The following SOX6 variants were observed in gnomAD, a reference collection of about 807,000 sequenced individuals.
SOX6 encodes the protein SRY-box transcription factor 6.
A neutral mutation model predicts 97.8 loss-of-function variants in SOX6; 11 were observed. That is an observed-to-expected ratio of 0.11 (90% CI 0.07 to 0.19). The LOEUF (loss-of-function observed/expected upper bound fraction) is 0.19, where lower values mean the gene tolerates loss of function less well. SOX6 is among the 10% of genes least tolerant of loss of function. The pLI, the probability that SOX6 is intolerant of heterozygous loss-of-function variation, is 1.00. For synonymous variants in SOX6, 360 were observed against 371.4 expected, an observed-to-expected ratio of 0.97 and a Z score of 0.35; for missense variants, 810 against 1,039.5, an observed-to-expected ratio of 0.78 and a Z score of 3.04.
chr11:16,608,306 G>A (rs980948994), intron 4 of SOX6, among the ~76,000 whole-genome samples: 1 of 152,162 alleles, frequency 6.6e-6, no homozygotes, highest in Non-Finnish European at 1.5e-5. Context: ...AAAGTTAGGT[G>A]ACAGAAGGAG....
intron 4 of SOX6, among the ~76,000 whole-genome samples, chr11:16,486,550 T>C (rs1272120006): frequency 6.6e-6 from 1 of 152,112 alleles, no homozygotes; most frequent in Non-Finnish European, 1.5e-5. Flanking sequence ...TAGAAATGCC[T>C]AGAGTGCTTA....
intron 3 of SOX6, among the ~76,000 whole-genome samples, chr11:16,235,564 A>G (rs1253260622): frequency 1.3e-5 from 2 of 152,122 alleles, no homozygotes; most frequent in African/African-American, 4.8e-5. Flanking sequence ...AGATTTAAAT[A>G]CTAAATCCTT....
At chr11:16,397,595 C>T (rs2134436561) in intron 1 of SOX6, 1 of 151,966 alleles carries the variant, frequency 6.6e-6, no homozygotes, top group East Asian at 1.9e-4. Context: ...TAATTCTCTT[C>T]TGGTTAACCC....
intron 3 of SOX6, among the ~76,000 whole-genome samples, chr11:16,304,268 G>A (rs1198985056): frequency 6.6e-6 from 1 of 152,054 alleles, no homozygotes; most frequent in Non-Finnish European, 1.5e-5. Context: ...TCTGAATTTT[G>A]TGTCTCCCCC....
At chr11:16,617,518 G>A (rs1347984014) in intron 3 of SOX6, among the ~76,000 whole-genome samples, 2 of 151,814 alleles carry the variant, frequency 1.3e-5, no homozygotes, top group South Asian at 2.1e-4. Flanking sequence ...ATATTTTTAA[G>A]AGCATCAGCA....
At chr11:16,018,633 G>A (rs141221807) in intron 12 of SOX6, among the ~76,000 whole-genome samples, 2 of 151,990 alleles carry the variant, frequency 1.3e-5, no homozygotes, top group East Asian at 1.9e-4. Flanking sequence ...ACACTTATTG[G>A]CTATTCCATA....
intron 2 of SOX6, among the ~76,000 whole-genome samples, chr11:16,319,434 T>A (rs1209928188): frequency 6.6e-6 from 1 of 152,194 alleles, no homozygotes; most frequent in Non-Finnish European, 1.5e-5. Flanking sequence ...CACATATGTA[T>A]ACATGTGGCA....
At chr11:16,338,780 T>A (rs1257133203) in intron 2 of SOX6, among the ~76,000 whole-genome samples, 1 of 152,036 alleles carries the variant, frequency 6.6e-6, no homozygotes, top group East Asian at 1.9e-4. Context: ...ACCATTAAAC[T>A]ATTTTATACT....
At chr11:16,513,307 T>C (rs1860908607) in intron 4 of SOX6, among the ~76,000 whole-genome samples, 2 of 150,904 alleles carry the variant, frequency 1.3e-5, no homozygotes, top group South Asian at 4.2e-4. Context: ...ACTCACACAC[T>C]CAAAAGAGAG....
At chr11:16,682,981 G>A (rs892130865) in intron 3 of SOX6, among the ~76,000 whole-genome samples, 5 of 152,080 alleles carry the variant, frequency 3.3e-5, no homozygotes, top group African/African-American at 4.8e-5. Context: ...ACTCCCATTC[G>A]CAATTATTAC....
intron 3 of SOX6, among the ~76,000 whole-genome samples, chr11:16,258,833 A>G (rs1452439196): frequency 6.6e-6 from 1 of 151,074 alleles, no homozygotes; most frequent in African/African-American, 2.4e-5. Flanking sequence ...ATGTATATAC[A>G]CACACACACA....
chr11:16,477,485 C>CGG, upstream of SOX6, among the ~76,000 whole-genome samples: 1 of 152,292 alleles, frequency 6.6e-6, no homozygotes, highest in East Asian at 1.9e-4. Context: ...TCTAACTCAG[C>CGG]CCTCTTCAAC....
intron 3 of SOX6, among the ~76,000 whole-genome samples, chr11:16,629,914 T>A (rs916966077): frequency 6.6e-6 from 1 of 152,178 alleles, no homozygotes; most frequent in Non-Finnish European, 1.5e-5. Context: ...TCTATGGATA[T>A]TTTGTATTTA....
At chr11:16,697,007 C>G (rs1213706191) in intron 3 of SOX6, among the ~76,000 whole-genome samples, 1 of 149,714 alleles carries the variant, frequency 6.7e-6, no homozygotes, top group Non-Finnish European at 1.5e-5. Context: ...ACAGTGTTCA[C>G]AGCATCTTCA....
intron 6 of SOX6, among the ~76,000 whole-genome samples, chr11:16,149,787 G>A (rs749800875): frequency 6.6e-6 from 1 of 152,148 alleles, no homozygotes; most frequent in Non-Finnish European, 1.5e-5. Context: ...TACAAATTTT[G>A]TCTGACAATA....
At chr11:16,015,275 A>G (rs989626266) in intron 12 of SOX6, 43 of 568,888 alleles carry the variant, frequency 7.6e-5, no homozygotes, top group Non-Finnish European at 1.3e-4. Context: ...GAAAGCTGTG[A>G]CAGGGAACCT....
At chr11:16,191,846 T>C in intron 4 of SOX6, among the ~76,000 whole-genome samples, 1 of 88,172 alleles carries the variant, frequency 1.1e-5, no homozygotes, top group East Asian at 2.0e-4. Flanking sequence ...AGCAGGGTTT[T>C]TTTTTTCTTT....
intron 6 of SOX6, among the ~76,000 whole-genome samples, chr11:16,170,594 G>T (rs1324394987): frequency 6.6e-6 from 1 of 151,872 alleles, no homozygotes; most frequent in Non-Finnish European, 1.5e-5. Flanking sequence ...GCTAGCCCTG[G>T]CAAAACTGAA....
chr11:16,175,629 T>C (rs1044666764), intron 6 of SOX6, among the ~76,000 whole-genome samples: 2 of 151,970 alleles, frequency 1.3e-5, no homozygotes, highest in South Asian at 2.1e-4. Context: ...TCCTTACATA[T>C]GTCAGGATGC....
Sources: gnomAD v4.1 joint callset for allele counts (sites outside exome capture counted in the v4.1 genomes callset) on GRCh38, gnomAD v4.1.1 for gene constraint, MANE v1.5 for transcripts, NCBI Gene and HGNC (gene_info 2026-07-23, HGNC 2026-07-21) for gene names.